TNNI3K: variants seen among roughly 807,000 people sequenced by gnomAD.
TNNI3K encodes the protein serine/threonine-protein kinase TNNI3K.
Under a neutral mutation model 114.5 loss-of-function variants are expected in TNNI3K, and 140 were observed. The ratio of observed to expected loss-of-function variants is 1.22; its 90% CI spans 1.07 to 1.41. The LOEUF (loss-of-function observed/expected upper bound fraction) is 1.41. TNNI3K is among the 40% of genes most tolerant of loss of function. The probability of loss-of-function intolerance (pLI) is 0.00; values close to 1 mark genes in which losing one functional copy is unlikely to be tolerated. For missense variants in TNNI3K, 1,125 were observed against 1,007.6 expected (o/e 1.12, Z -1.58); for synonymous variants, 347 against 347.5 (o/e 1.00, Z 0.02).
intron 17 of TNNI3K, among the ~76,000 whole-genome samples, chr1:74,434,984 A>G (rs890297507): frequency 2.0e-5 from 3 of 152,004 alleles, no homozygotes; most frequent in African/African-American, 7.2e-5. Context: ...TTGACCATGA[A>G]GCAAAATAGT....
chr1:74,242,865 A>G (rs573173029), intron 2 of TNNI3K, among the ~76,000 whole-genome samples: 7 of 151,384 alleles, frequency 4.6e-5, no homozygotes, highest in Non-Finnish European at 7.4e-5. Flanking sequence ...CTCTCTCTCT[A>G]TCTCTCCCTA....
Position 74,544,041 on chromosome 1 carries a change from A to T in TNNI3K, c.*59A>T, listed in dbSNP as rs1299399556. The T allele has an allele frequency of 5.7e-6, 9 of 1,571,908 alleles. No individual in the cohort carries two copies. In the East Asian group the frequency reaches 2.1e-4, roughly 36 times the overall value. ...CCCCGAACTGACAGCAACGATTCCA[A>T]CCACGGCAAGCTGGCTTCCAACTAT... On this transcript the variant is annotated 3_prime_UTR_variant, in exon 25 of 25. Coordinates refer to ENST00000326637, the MANE Select transcript of TNNI3K (RefSeq NM_015978.3).
Position 74,343,090 on chromosome 1 carries a change from C to A in TNNI3K, c.843C>A (p.Gly281=). 1.2e-6 allele frequency: 2 copies of A among 1,613,364 alleles called. No homozygotes were observed. The highest frequency in any genetic ancestry group is 2.2e-5 in the East Asian group (1 of 44,850). ...DTPLHLACYN[G]KFEVAKEIIQ... is the part of the protein sequence containing the mutation. ...TCAAATCTAGGGCATGCTACAATGG[C>A]AAATTTGAAGTTGCCAAGGAAATCA... The change falls in exon 9 of 25, where the codon GGC becomes GGA. Residue 281 remains glycine, a synonymous_variant. Coordinates refer to ENST00000326637, the MANE Select transcript of TNNI3K (RefSeq NM_015978.3).
At chr1:74,374,659 G>GTT (rs1392158143) in intron 17 of TNNI3K, 2 of 151,896 alleles carry the variant, frequency 1.3e-5, no homozygotes, top group Non-Finnish European at 2.9e-5. Context: ...CACACTCCAT[G>GTT]TTCTGCTGGT....
intron 20 of TNNI3K, among the ~76,000 whole-genome samples, chr1:74,462,699 G>T (rs1332325700): frequency 6.6e-6 from 1 of 152,158 alleles, no homozygotes; most frequent in African/African-American, 2.4e-5. Flanking sequence ...TGGTTTCTAA[G>T]GGAGTATAGA....
At chr1:74,372,311 C>T (rs1330968726) in intron 17 of TNNI3K, 2 of 151,700 alleles carry the variant, frequency 1.3e-5, no homozygotes, top group Admixed American at 6.6e-5. Context: ...GCTCATGTCT[C>T]TCTGGGCCTG....
chr1:74,326,312 T>A (rs929182678), intron 5 of TNNI3K, among the ~76,000 whole-genome samples: 8 of 152,176 alleles, frequency 5.3e-5, no homozygotes, highest in African/African-American at 1.9e-4. Context: ...CTTTATACGG[T>A]CATTCTTTTT....
At chr1:74,497,295 TCTC>T (rs978375742) in intron 23 of TNNI3K, among the ~76,000 whole-genome samples, 33 of 151,950 alleles carry the variant, frequency 2.2e-4, no homozygotes, top group African/African-American at 7.7e-4. Flanking sequence ...AGTGGCCATG[TCTC>T]CTCCTCATCA....
chr1:74,391,954 A>ATTTTTTTTTTTTTTTT (rs1557539031), intron 17 of TNNI3K, among the ~76,000 whole-genome samples: 13 of 93,250 alleles, frequency 1.4e-4, no homozygotes, highest in African/African-American at 7.4e-4. Flanking sequence ...GGTACAGCTT[A>ATTTTTTTTTTTTTTTT]TTATTTTTTT....
At chr1:74,497,933 G>T (rs142656308) in intron 23 of TNNI3K, among the ~76,000 whole-genome samples, 1 of 152,002 alleles carries the variant, frequency 6.6e-6, no homozygotes, top group Non-Finnish European at 1.5e-5. Context: ...TGATACTGTC[G>T]CTCTCTCTCT....
intron 9 of TNNI3K, among the ~76,000 whole-genome samples, chr1:74,347,521 TG>T (rs1270317872): frequency 6.6e-6 from 1 of 152,176 alleles, no homozygotes; most frequent in Non-Finnish European, 1.5e-5. Context: ...TACCCAGTAA[TG>T]GGATGGCTGG....
chr1:74,451,683 T>TTTTCTATCTTTC (rs1667012074), intron 20 of TNNI3K, among the ~76,000 whole-genome samples: 6 of 76,214 alleles, frequency 7.9e-5, no homozygotes, highest in African/African-American at 2.5e-4. Flanking sequence ...TTTTCTTTTC[T>TTTTCTATCTTTC]TTTCTTTCTT....
At chr1:74,418,141 G>GTCTTT (rs1322730885) in intron 17 of TNNI3K, 1 of 451,306 alleles carries the variant, frequency 2.2e-6, no homozygotes, top group East Asian at 7.2e-5. Flanking sequence ...AAGGTAGGAG[G>GTCTTT]TCTTTCCTTT....
intron 17 of TNNI3K, among the ~76,000 whole-genome samples, chr1:74,387,963 G>A (rs1398040075): frequency 6.6e-6 from 1 of 152,116 alleles, no homozygotes; most frequent in African/African-American, 2.4e-5. Context: ...TTTGTTACAA[G>A]TAAGTTTCAA....
intron 23 of TNNI3K, among the ~76,000 whole-genome samples, chr1:74,507,770 A>C (rs1669980258): frequency 6.6e-6 from 1 of 152,238 alleles, no homozygotes; most frequent in Non-Finnish European, 1.5e-5. Flanking sequence ...GTACTATGGC[A>C]TGAGCTACCG....
In TNNI3K at chr1:74,337,707, C is replaced by T. The variant is rs546099240; in HGVS notation, c.682+1558C>T. ...AAATTTTCCCTTATCTTATCTTTCCCTTCCCTTACCTCATCTCAGGTAAAT... is the reference window on the plus strand; with the variant it reads ...AAATTTTCCCTTATCTTATCTTTCCTTTCCCTTACCTCATCTCAGGTAAAT... On this transcript the variant is annotated intron_variant, in intron 7 of 24. Coordinates refer to ENST00000326637, the MANE Select transcript of TNNI3K (RefSeq NM_015978.3). Among the ~76,000 whole-genome samples, 7 of 152,012 alleles carry T rather than the reference C, an allele frequency of 4.6e-5. No individual in the cohort carries two copies. In the East Asian group the frequency reaches 7.7e-4, roughly 17 times the overall value.
At chr1:74,434,841 T>C (rs1368382252) in intron 17 of TNNI3K, among the ~76,000 whole-genome samples, 1 of 152,040 alleles carries the variant, frequency 6.6e-6, no homozygotes, top group African/African-American at 2.4e-5. Flanking sequence ...ATAAAATCAG[T>C]AGCAATTACA....
chr1:74,417,100 T>G (rs1665153846), intron 17 of TNNI3K, among the ~76,000 whole-genome samples: 1 of 152,010 alleles, frequency 6.6e-6, no homozygotes, highest in Admixed American at 6.6e-5. Flanking sequence ...TTTTAAAAAT[T>G]GAAATTTCAG....
intron 11 of TNNI3K, among the ~76,000 whole-genome samples, chr1:74,365,086 G>A (rs1292226543): frequency 6.6e-6 from 1 of 152,012 alleles, no homozygotes; most frequent in East Asian, 1.9e-4. Context: ...GGGGCAAAAA[G>A]TAAAGTGTAA....
Sources: gnomAD v4.1 joint callset for allele counts (sites outside exome capture counted in the v4.1 genomes callset) on GRCh38, gnomAD v4.1.1 for gene constraint, MANE v1.5 for transcripts, NCBI Gene and HGNC (gene_info 2026-07-23, HGNC 2026-07-21) for gene names.